Variants in TRIM67 observed in about 807,000 individuals in gnomAD.
The protein encoded by TRIM67 is tripartite motif containing 67.
Under a neutral mutation model 71.0 loss-of-function variants are expected in TRIM67, and 39 were observed. The observed-to-expected ratio is 0.55, with a 90% CI of 0.43 to 0.72. The LOEUF (loss-of-function observed/expected upper bound fraction) is 0.72. TRIM67 is among the 30% of genes least tolerant of loss of function. The probability of loss-of-function intolerance (pLI) is 0.00; values close to 1 mark genes in which losing one functional copy is unlikely to be tolerated. For synonymous variants in TRIM67, 481 were observed against 473.9 expected, an observed-to-expected ratio of 1.01 and a Z score of -0.19; for missense variants, 973 against 1,079.2, an observed-to-expected ratio of 0.90 and a Z score of 1.38.
intron 1 of TRIM67, chr1:231,187,606 C>G (rs1456822324): frequency 1.3e-6 from 2 of 1,496,986 alleles, no homozygotes; most frequent in Admixed American, 4.1e-5. Context: ...GTGTGAAACT[C>G]TCAGTGAAGC....
At chr1:231,185,350 G>C in intron 1 of TRIM67, 1 of 917,290 alleles carries the variant, frequency 1.1e-6, no homozygotes, top group South Asian at 1.7e-5. Flanking sequence ...AATGGCTCTT[G>C]TTTTCCTCAT....
chr1:231,206,744 T>C lies in TRIM67; in HGVS notation c.1773T>C (p.Ser591=), dbSNP rs1358048190. 2 of 1,611,408 alleles carry C rather than the reference T, an allele frequency of 1.2e-6. No homozygotes were observed. Among genetic ancestry groups the C allele is most frequent in the East Asian group, 4.5e-5 (2 of 44,656 alleles). The change falls in exon 7 of 10, where the codon TCT becomes TCC. Residue 591 remains serine, a synonymous_variant. Coordinates refer to ENST00000366653, the MANE Select transcript of TRIM67 (RefSeq NM_001004342.5). ...YNARVKAFNS[S]GVGPYSKTVV... The stretch of plus-strand genomic sequence containing the variant: ...CCCGAGTCAAAGCTTTCAACTCTTC[T>C]GGTGTCGGGCCTTACAGTAAAACTG...
At chr1:231,210,605 C>T (rs1339157320) in intron 8 of TRIM67, among the ~76,000 whole-genome samples, 2 of 151,676 alleles carry the variant, frequency 1.3e-5, no homozygotes, top group Admixed American at 1.3e-4. Flanking sequence ...CACCCAGATA[C>T]CCTGTTTGCT....
chr1:231,163,994 C>A lies in TRIM67; in HGVS notation c.1025C>A (p.Ala342Asp). ...AAGCACGAGGTGAAGCCGCTGGGGG[C>A]CATGTGGAAGCAGCACAAGGTGAGC... is the stretch of plus-strand genomic sequence containing the variant. The part of the protein sequence containing the change: ...HAKHEVKPLG[A>D]MWKQHKAQLS... Residue 342 changes from alanine to aspartate, a missense_variant, in exon 1 of 10, where the codon GCC (alanine) becomes GAC (aspartate). Ala to Asp is a moderately radical substitution (Grantham distance 126). Coordinates refer to ENST00000366653, the MANE Select transcript of TRIM67 (RefSeq NM_001004342.5). 2 of 1,566,076 alleles carry A rather than the reference C, an allele frequency of 1.3e-6. No homozygotes were observed. The highest frequency in any genetic ancestry group is 1.7e-6 in the Non-Finnish European group (2 of 1,154,724).
At chr1:231,215,292 G>A (rs1683986192) in intron 9 of TRIM67, 83 bp from the exon 10 acceptor site, 9 of 1,524,560 alleles carry the variant, frequency 5.9e-6, no homozygotes, top group Middle Eastern at 2.3e-4. Flanking sequence ...AGGGGATCCT[G>A]CCGGTGTCTG....
intron 1 of TRIM67, among the ~76,000 whole-genome samples, chr1:231,178,135 A>G (rs1181015767): frequency 1.3e-5 from 2 of 152,200 alleles, no homozygotes; most frequent in Non-Finnish European, 2.9e-5. Context: ...ATGTGTGGTA[A>G]TCATGTGAGA....
intron 3 of TRIM67, 67 bp from the exon 4 acceptor site, chr1:231,200,081 C>T: frequency 8.0e-7 from 1 of 1,255,030 alleles, no homozygotes; most frequent in Non-Finnish European, 1.2e-6. Context: ...AGTTCTCTGA[C>T]TCTTGCGGTG....
rs1263787128 is a variant in TRIM67 at position 231,163,926 on chromosome 1, A to G, written c.957A>G (p.Arg319=). 1 of 1,585,752 alleles carries G rather than the reference A, an allele frequency of 6.3e-7. No individual in the cohort carries two copies. The highest frequency in any genetic ancestry group is 2.3e-5 in the East Asian group (1 of 43,408). ...ACAGCATGTACTGCGTGAGCTGTCG[A>G]ACCCCGGTGTGTTATCTGTGCCTGG... ...ENYSMYCVSC[R]TPVCYLCLEE... The change falls in exon 1 of 10, where the codon CGA becomes CGG. Residue 319 remains arginine, a synonymous_variant. Transcript: ENST00000366653.
intron 1 of TRIM67, among the ~76,000 whole-genome samples, chr1:231,172,301 C>A (rs939876059): frequency 6.6e-6 from 1 of 152,230 alleles, no homozygotes; most frequent in African/African-American, 2.4e-5. Flanking sequence ...AGATGGAGCA[C>A]AACCTCTCAT....
rs117814672 is a variant in TRIM67 at position 231,185,074 on chromosome 1, C to T, written c.1045-12297C>T. The T allele has an allele frequency of 5.6e-4, 852 of 1,532,890 alleles. 15 individuals are homozygous for T. The East Asian group carries it at 0.019, about 34-fold the overall frequency. The allele number at this position is 1,532,890 out of a possible 1,614,324, so 95.0% of individuals were successfully genotyped here. On this transcript the variant is annotated intron_variant, in intron 1 of 9. Coordinates refer to ENST00000366653, the MANE Select transcript of TRIM67 (RefSeq NM_001004342.5). ...GGAGCTGAGCTGGTGCCTGGACTTC[C>T]AGAGAGCAGGGCACTTCGGTCACCA...
chr1:231,162,876 C>T lies in TRIM67; in HGVS notation c.-94C>T. The T allele has an allele frequency of 8.6e-6, 13 of 1,504,378 alleles. No individual in the cohort carries two copies. Among genetic ancestry groups the T allele is most frequent in the Admixed American group, 4.1e-5 (2 of 48,754 alleles). 93.2% of individuals were successfully genotyped at this position (1,504,378 alleles called of 1,614,324 possible). A position where few individuals can be genotyped will look rare whatever the true frequency, so the allele number is the denominator to read the frequency against. On this transcript the variant is annotated 5_prime_UTR_variant, in exon 1 of 10. Coordinates refer to ENST00000366653, the MANE Select transcript of TRIM67 (RefSeq NM_001004342.5). The stretch of plus-strand genomic sequence containing the variant: ...CGTGTGATGCCCCCGCCCGTCGTCT[C>T]ACCGGGGCGCACCGCGCTGGTCCTC...
chr1:231,192,410 G>T (rs1284860640), intron 1 of TRIM67, among the ~76,000 whole-genome samples: 2 of 151,982 alleles, frequency 1.3e-5, no homozygotes, highest in Admixed American at 1.3e-4. Flanking sequence ...AAACTCCTGG[G>T]TTCAAGCAAT....
intron 1 of TRIM67, among the ~76,000 whole-genome samples, chr1:231,172,623 TC>T (rs1682645900): frequency 6.6e-6 from 1 of 152,100 alleles, no homozygotes; most frequent in Non-Finnish European, 1.5e-5. Context: ...CTGCCAGCAC[TC>T]ACTCCAGAAG....
In TRIM67 at chr1:231,221,001, C is replaced by T. The variant is rs1165524009; in HGVS notation, c.*5561C>T. 1 of 152,264 alleles carries T rather than the reference C, an allele frequency of 6.6e-6. No homozygotes were observed. The highest frequency in any genetic ancestry group is 2.4e-5 in the African/African-American group (1 of 41,458). 9.4% of individuals were successfully genotyped at this position (152,264 alleles called of 1,614,324 possible). ...AGCCGGGGAAGCCTCTCCAACTCCT[C>T]CTAGCCCTGGAAACCAGACACCCAG... is the stretch of plus-strand genomic sequence containing the variant. On this transcript the variant is annotated 3_prime_UTR_variant, in exon 10 of 10. Transcript: ENST00000366653.
chr1:231,201,726 T>A (rs1683531319), intron 5 of TRIM67, among the ~76,000 whole-genome samples: 1 of 152,222 alleles, frequency 6.6e-6, no homozygotes. Flanking sequence ...CCAGTCAGAA[T>A]CTGAGGCTTC....
At chr1:231,195,075 C>T (rs531467648) in intron 1 of TRIM67, among the ~76,000 whole-genome samples, 30 of 152,226 alleles carry the variant, frequency 2.0e-4, no homozygotes, top group African/African-American at 7.0e-4. Flanking sequence ...ATCAGTATGT[C>T]AACAGTTTGA....
In TRIM67 at chr1:231,215,841, C is replaced by A; in HGVS notation, c.*401C>A. 24 of 1,011,164 alleles carry A rather than the reference C, an allele frequency of 2.4e-5. No homozygotes were observed. Among genetic ancestry groups the A allele is most frequent in the Non-Finnish European group, 2.8e-5 (24 of 847,372 alleles). The allele number at this position is 1,011,164 out of a possible 1,614,324, so 62.6% of individuals were successfully genotyped here. A position where few individuals can be genotyped will look rare whatever the true frequency, so the allele number is the denominator to read the frequency against. On this transcript the variant is annotated 3_prime_UTR_variant, in exon 10 of 10. Transcript: ENST00000366653. ...GCCTCCTGAGAGCGGCAGTCAGGAG[C>A]TGCGCTGTAATCCCACGCCCCGGGT...
chr1:231,182,378 A>G (rs1442969664), intron 1 of TRIM67, among the ~76,000 whole-genome samples: 1 of 152,176 alleles, frequency 6.6e-6, no homozygotes. Context: ...CCTGGGAAAC[A>G]CAATGAGACC....
At chr1:231,212,226 C>G (rs1409865591) in intron 8 of TRIM67, among the ~76,000 whole-genome samples, 1 of 152,186 alleles carries the variant, frequency 6.6e-6, no homozygotes, top group African/African-American at 2.4e-5. Flanking sequence ...AGAAGAGCAA[C>G]GGTACCAGGT....
Sources: allele counts gnomAD v4.1 joint callset (sites outside exome capture counted in the v4.1 genomes callset), GRCh38; gene constraint gnomAD v4.1.1; transcripts MANE v1.5; gene names NCBI Gene and HGNC (gene_info 2026-07-23, HGNC 2026-07-21).